TACC3: variants seen among roughly 807,000 people sequenced by gnomAD.
TACC3 encodes transforming acidic coiled-coil-containing protein 3.
In TACC3, 52 loss-of-function variants were observed where a neutral mutation model predicts 86.0. That is an observed-to-expected ratio of 0.60 (90% CI 0.48 to 0.76). TACC3 has a LOEUF of 0.76. Among genes scored for constraint, TACC3 ranks in the 30% least tolerant of loss-of-function variants. The probability of loss-of-function intolerance (pLI) is 0.00; values close to 1 mark genes in which losing one functional copy is unlikely to be tolerated. For missense variants in TACC3, 1,120 were observed against 1,070.4 expected (o/e 1.05, Z -0.65); for synonymous variants, 512 against 430.0 (o/e 1.19, Z -2.36).
Position 1,735,916 on chromosome 4 carries a change from AGAG to A in TACC3, c.1748+84_1748+86del. ...CTGTTCCTAGGTGTGCTGTCTGCAC[AGAG>A]GCTTCTAGACCGGGGGGAGATGATC... On this transcript the variant is annotated intron_variant, in intron 8 of 15. Coordinates refer to ENST00000313288, the MANE Select transcript of TACC3 (RefSeq NM_006342.3). This position sits in a 1 kb window ranked among gnomAD's most constrained non-coding sequence, Gnocchi z 4.2. 2 of 986,158 alleles carry A rather than the reference AGAG, an allele frequency of 2.0e-6. No homozygotes were observed. Among genetic ancestry groups the A allele is most frequent in the Non-Finnish European group, 3.0e-6 (2 of 657,048 alleles). The allele number at this position is 986,158 out of a possible 1,614,324, so 61.1% of individuals were successfully genotyped here.
At position 1,735,610 on chromosome 4, in the gene TACC3, C is replaced by T. The variant is rs1718216967; in HGVS notation, c.1645-121C>T. On this transcript the variant is annotated intron_variant, in intron 7 of 15. Coordinates refer to ENST00000313288, the MANE Select transcript of TACC3 (RefSeq NM_006342.3). This position sits in a 1 kb window ranked among gnomAD's most constrained non-coding sequence, Gnocchi z 4.2. ...TGTCTCGGGCAGGGTTGTGGGTGAC[C>T]GGGGGTGGGAGTGTGCGGGTGACCG... The T allele has an allele frequency of 8.6e-6, 7 of 812,150 alleles. No individual in the cohort carries two copies. Among genetic ancestry groups the T allele is most frequent in the South Asian group, 1.4e-5 (1 of 72,164 alleles). 50.3% of individuals were successfully genotyped at this position (812,150 alleles called of 1,614,324 possible).
At chr4:1,740,526 G>A (rs946382474) in intron 12 of TACC3, 2 of 345,410 alleles carry the variant, frequency 5.8e-6, no homozygotes, top group Non-Finnish European at 1.1e-5. Context: ...CCTGGAGCTC[G>A]CCATACCGGC....
intron 8 of TACC3, among the ~76,000 whole-genome samples, chr4:1,736,073 C>T (rs536167523): frequency 2.6e-5 from 4 of 152,340 alleles, no homozygotes; most frequent in Admixed American, 6.5e-5. Context: ...TTACAGCCAC[C>T]GTTCTAGGTA....
intron 6 of TACC3, among the ~76,000 whole-genome samples, chr4:1,734,411 C>T (rs891305823): frequency 1.3e-5 from 2 of 152,186 alleles, no homozygotes; most frequent in African/African-American, 2.4e-5. Flanking sequence ...TGGCCTCAAA[C>T]TCCTGACCTC....
intron 3 of TACC3, among the ~76,000 whole-genome samples, chr4:1,726,541 CTGATGTTTTCACGCAGATT>C (rs1294419432): frequency 6.6e-6 from 1 of 152,214 alleles, no homozygotes; most frequent in Non-Finnish European, 1.5e-5. Flanking sequence ...TTGCTTGTAG[CTGATGTTTTCACGCAGATT>C]AAAGTGTTAT....
chr4:1,730,968 G>T lies in TACC3; in HGVS notation c.1461+6G>T, dbSNP rs4577642. 2.5e-6 allele frequency: 4 copies of T among 1,613,174 alleles called. No homozygotes were observed. The highest frequency in any genetic ancestry group is 3.4e-6 in the Non-Finnish European group (4 of 1,179,954). ...CCCCAACAGCAGAGAGCAAGGTAAG[G>T]GGTGCTTGTGTGGGTACCTGTGCTC... On this transcript the variant is annotated splice_donor_region_variant and intron_variant, in intron 5 of 15. Coordinates refer to ENST00000313288, the MANE Select transcript of TACC3 (RefSeq NM_006342.3).
chr4:1,725,903 G>A (rs528463893), intron 3 of TACC3, among the ~76,000 whole-genome samples: 1 of 152,354 alleles, frequency 6.6e-6, no homozygotes, highest in East Asian at 1.9e-4. Flanking sequence ...GGTGGCAGCT[G>A]GGCAGCAGAG....
rs374704896 is a variant in TACC3, at chr4:1,723,928, T to C, written c.305+58T>C. ...TTCACCCTCTCTGTCCGATGGTTCT[T>C]GCAGGAAAGTGCTGTCTTGTTCTAT... On this transcript the variant is annotated intron_variant, in intron 3 of 15. Coordinates refer to ENST00000313288, the MANE Select transcript of TACC3 (RefSeq NM_006342.3). 1.8e-5 allele frequency: 29 copies of C among 1,570,758 alleles called. No homozygotes were observed. In the African/African-American group the frequency reaches 3.8e-4, roughly 20 times the overall value.
rs368823923 is a variant in TACC3 at position 1,735,419 on chromosome 4, G to T, written c.1644+94G>T. 1.2e-4 allele frequency: 177 copies of T among 1,429,610 alleles called. 4 individuals are homozygous for T. In the South Asian group the frequency reaches 2.0e-3, roughly 16 times the overall value. The allele number at this position is 1,429,610 out of a possible 1,614,324, so 88.6% of individuals were successfully genotyped here. On this transcript the variant is annotated intron_variant, in intron 7 of 15. Coordinates refer to ENST00000313288, the MANE Select transcript of TACC3 (RefSeq NM_006342.3). The surrounding 1 kb of genome is among the most constrained non-coding windows in gnomAD (Gnocchi z 4.2). ...CCCCGGAGCGTCCCTTGGTGCCCAC[G>T]TCCCCCCAGCTGCACACAGGCCCAG...
intron 4 of TACC3, 98 bp from the exon 5 acceptor site, chr4:1,730,789 G>C: frequency 7.6e-7 from 1 of 1,324,410 alleles, no homozygotes; most frequent in Non-Finnish European, 1.1e-6. Context: ...GGCCGGCACA[G>C]CAGTGCAGGG....
At chr4:1,725,279 G>A (rs1717630253) in intron 3 of TACC3, among the ~76,000 whole-genome samples, 1 of 152,034 alleles carries the variant, frequency 6.6e-6, no homozygotes, top group African/African-American at 2.4e-5. Flanking sequence ...AAAAGCATAA[G>A]GAACAGAATA....
At chr4:1,737,104 GT>G in intron 8 of TACC3, 136 bp from the exon 9 acceptor site, 1 of 688,578 alleles carries the variant, frequency 1.5e-6, no homozygotes, top group South Asian at 1.8e-5. Flanking sequence ...GCGGGTCTGC[GT>G]TTTCTACCAC....
chr4:1,744,760 G>C lies in TACC3; in HGVS notation c.2379G>C (p.Ala793=). ...AQVRSKAQAE[A]LALQASLRKE... ...TCCGGAGCAAGGCCCAGGCGGAAGCGTTGGCCCTCCAGGCCAGCCTGAGGA... is the reference window on the plus strand; with the variant it reads ...TCCGGAGCAAGGCCCAGGCGGAAGCCTTGGCCCTCCAGGCCAGCCTGAGGA... Residue 793 remains alanine, a synonymous_variant, in exon 15 of 16, where the codon GCG becomes GCC. Coordinates refer to ENST00000313288, the MANE Select transcript of TACC3 (RefSeq NM_006342.3). The C allele has an allele frequency of 1.2e-6, 2 of 1,612,702 alleles. No individual in the cohort carries two copies. Among genetic ancestry groups the C allele is most frequent in the South Asian group, 1.1e-5 (1 of 91,082 alleles).
rs1368340709 is a variant in TACC3 at position 1,721,566 on chromosome 4, G to A, written c.-79G>A. 1 of 152,182 alleles carries A rather than the reference G, an allele frequency of 6.6e-6. No individual in the cohort carries two copies. Among genetic ancestry groups the A allele is most frequent in the African/African-American group, 2.4e-5 (1 of 41,440 alleles). 9.4% of individuals were successfully genotyped at this position (152,182 alleles called of 1,614,324 possible). A position where few individuals can be genotyped will look rare whatever the true frequency, so the allele number is the denominator to read the frequency against. On this transcript the variant is annotated 5_prime_UTR_variant, in exon 1 of 16. Transcript: ENST00000313288. ...GCGGTAGCAGCTAGGCTTGGCCCCC[G>A]GCGTGGAGCAGACGCGGACCCCTCC...
In TACC3 at chr4:1,735,420, T is replaced by A; in HGVS notation, c.1644+95T>A. 7.1e-7 allele frequency: 1 copy of A among 1,402,852 alleles called. No homozygotes were observed. Among genetic ancestry groups the A allele is most frequent in the Non-Finnish European group, 1.0e-6 (1 of 995,122 alleles). 86.9% of individuals were successfully genotyped at this position (1,402,852 alleles called of 1,614,324 possible). On this transcript the variant is annotated intron_variant, in intron 7 of 15. Coordinates refer to ENST00000313288, the MANE Select transcript of TACC3 (RefSeq NM_006342.3). The surrounding 1 kb of genome is among the most constrained non-coding windows in gnomAD (Gnocchi z 4.2). ...CCCGGAGCGTCCCTTGGTGCCCACG[T>A]CCCCCCAGCTGCACACAGGCCCAGG...
chr4:1,735,807 C>G lies in TACC3; in HGVS notation c.1721C>G (p.Pro574Arg). The G allele has an allele frequency of 6.3e-7, 1 of 1,597,906 alleles. No homozygotes were observed. The highest frequency in any genetic ancestry group is 8.6e-7 in the Non-Finnish European group (1 of 1,168,658). The change falls in exon 8 of 16, where the codon CCA becomes CGA. Residue 574 changes from proline to arginine, a missense_variant. By Grantham distance (103) the Pro-to-Arg change is moderately radical (BLOSUM62 -2). Transcript: ENST00000313288. This position sits in a 1 kb window ranked among gnomAD's most constrained non-coding sequence, Gnocchi z 4.2. ...DPLLRDSPGR[P>R]VPVATETSSM... ...CTCCTGAGGGACAGTCCTGGTAGAC[C>G]AGTGCCCGTGGCCACCGAGACCAGC...
Position 1,735,535 on chromosome 4 carries a change from T to C in TACC3, c.1645-196T>C, listed in dbSNP as rs3752749. Among the ~76,000 whole-genome samples the C allele has an allele frequency of 0.77, 116,395 of 151,836 alleles. 44,814 individuals carry two copies. The highest frequency in any genetic ancestry group is 0.86 in the East Asian group (4,380 of 5,110). ...CAGGGCTCTAGGGCTCTCTACCTGG[T>C]GCCTAGCCCAGGATGAAACTCTGAC... On this transcript the variant is annotated intron_variant, in intron 7 of 15. Coordinates refer to ENST00000313288, the MANE Select transcript of TACC3 (RefSeq NM_006342.3). The surrounding 1 kb of genome is among the most constrained non-coding windows in gnomAD (Gnocchi z 4.2).
chr4:1,741,329 C>A, intron 13 of TACC3: 1 of 179,478 alleles, frequency 5.6e-6, no homozygotes, highest in Non-Finnish European at 1.2e-5. Context: ...CTGGGCTGTC[C>A]GAGCGCTTGG....
In TACC3 at chr4:1,739,685, G is replaced by T. The variant is rs2108714509; in HGVS notation, c.1942-17G>T. On this transcript the variant is annotated splice_polypyrimidine_tract_variant and intron_variant, in intron 10 of 15. Coordinates refer to ENST00000313288, the MANE Select transcript of TACC3 (RefSeq NM_006342.3). ...GTCTGGCCCGCCTGCCTGCTGACTT[G>T]GGTGTGGCCTGAGCAGGTAAAGGCG... 1 of 1,567,900 alleles carries T rather than the reference G, an allele frequency of 6.4e-7. No homozygotes were observed. The highest frequency in any genetic ancestry group is 8.6e-7 in the Non-Finnish European group (1 of 1,157,778).
Sources: allele counts gnomAD v4.1 joint callset (sites outside exome capture counted in the v4.1 genomes callset), GRCh38; gene constraint gnomAD v4.1.1; non-coding constraint Gnocchi (gnomAD v3.1); transcripts MANE v1.5; gene names NCBI Gene and HGNC (gene_info 2026-07-23, HGNC 2026-07-21).